The following SPTA1 variants were observed in gnomAD, a reference collection of about 807,000 sequenced individuals.
The protein encoded by SPTA1 is spectrin alpha, erythrocytic 1.
SPTA1 carries 177 observed loss-of-function variants against 324.7 expected under a neutral mutation model. The observed-to-expected ratio is 0.55, with a 90% CI of 0.48 to 0.62. The LOEUF (loss-of-function observed/expected upper bound fraction) is 0.62, where lower values mean the gene tolerates loss of function less well. Ranked by LOEUF, SPTA1 falls within the 20% of genes least tolerant of loss-of-function variation. The pLI is 0.00. For synonymous variants in SPTA1, 1,195 were observed against 1,041.3 expected (o/e 1.15, Z -2.84); for missense variants, 3,162 against 2,883.6 (o/e 1.10, Z -2.21).
chr1:158,642,954 G>A lies in SPTA1; in HGVS notation c.4465C>T (p.Leu1489=), dbSNP rs1251167624. The A allele has an allele frequency of 2.5e-6, 4 of 1,613,616 alleles. No homozygotes were observed. Among genetic ancestry groups the A allele is most frequent in the Admixed American group, 3.3e-5 (2 of 59,936 alleles). ...CCAAGCTTTGTCCGCTCATCAATCA[G>A]TTGTGCTTTGAGAGCCTTCCACCTA... ...LDRWKALKAQ[L]IDERTKLGDY... Residue 1489 remains leucine, a synonymous_variant, in exon 32 of 52, where the codon CTG becomes TTG. Coordinates refer to ENST00000643759, the MANE Select transcript of SPTA1 (RefSeq NM_003126.4).
intron 48 of SPTA1, 39 bp from the exon 49 acceptor site, chr1:158,614,345 T>C: frequency 2.1e-6 from 3 of 1,417,860 alleles, no homozygotes; most frequent in Non-Finnish European, 3.0e-6. Flanking sequence ...TCCCTGTATA[T>C]GAAACACAGG....
Position 158,648,638 on chromosome 1 carries a change from C to T in SPTA1, c.3585G>A (p.Thr1195=), listed in dbSNP as rs755030250. ...VEVFHREADD[T]KEQIEKKCQA... The stretch of plus-strand genomic sequence containing the variant: ...GGCATTTCTTCTCAATCTGCTCCTT[C>T]GTGTCATCTGCTTCTCTGGTATACA... Residue 1195 remains threonine, a synonymous_variant, in exon 26 of 52, where the codon ACG becomes ACA. Coordinates refer to ENST00000643759, the MANE Select transcript of SPTA1 (RefSeq NM_003126.4). The T allele has an allele frequency of 2.5e-5, 41 of 1,613,668 alleles. No individual in the cohort carries two copies. Among genetic ancestry groups the T allele is most frequent in the Middle Eastern group, 1.7e-4 (1 of 6,036 alleles).
intron 38 of SPTA1, among the ~76,000 whole-genome samples, chr1:158,634,953 A>G (rs568961107): frequency 7.2e-5 from 11 of 152,276 alleles, no homozygotes; most frequent in Admixed American, 2.0e-4. Context: ...TAACCAAAAA[A>G]AGGGAAATGA....
chr1:158,676,465 C>T (rs1211861802), intron 7 of SPTA1, among the ~76,000 whole-genome samples, 170 bp from the exon 8 acceptor site: 9 of 152,182 alleles, frequency 5.9e-5, no homozygotes, highest in Admixed American at 5.9e-4. Flanking sequence ...TTACAATTCA[C>T]TAAGTACTTT....
Position 158,677,788 on chromosome 1 carries a change from G to A in SPTA1, c.859C>T (p.Leu287Phe). ...TCTTTGCCATAGTCCTCAGAGGTGA[G>A]TACAGGTTCCTTCTCCTTGATCCAC... ...IQWIKEKEPVLTSEDYGKDLV... is the reference protein window; with the variant it reads ...IQWIKEKEPVFTSEDYGKDLV... Residue 287 changes from leucine to phenylalanine, a missense_variant, in exon 7 of 52, where the codon CTC becomes TTC. Leu to Phe is a conservative substitution (Grantham distance 22). Coordinates refer to ENST00000643759, the MANE Select transcript of SPTA1 (RefSeq NM_003126.4). The A allele has an allele frequency of 1.5e-5, 24 of 1,613,688 alleles. No homozygotes were observed. The highest frequency in any genetic ancestry group is 1.9e-5 in the Non-Finnish European group (23 of 1,179,762).
At chr1:158,627,123 CCGT>C in intron 40 of SPTA1, 116 bp from the exon 41 acceptor site, 3 of 1,380,828 alleles carry the variant, frequency 2.2e-6, no homozygotes, top group South Asian at 2.4e-5. Flanking sequence ...CCAAGTGTGA[CCGT>C]CTTAGTTTGT....
chr1:158,636,853 T>C, intron 36 of SPTA1, 92 bp from the exon 37 acceptor site: 1 of 1,601,544 alleles, frequency 6.2e-7, no homozygotes, highest in Non-Finnish European at 8.5e-7. Context: ...GTGTGGCTGG[T>C]GGTGAGGGAG....
intron 30 of SPTA1, among the ~76,000 whole-genome samples, 193 bp from the exon 31 acceptor site, chr1:158,643,618 T>C (rs1187177611): frequency 2.0e-5 from 3 of 152,184 alleles, no homozygotes; most frequent in African/African-American, 4.8e-5. Flanking sequence ...AATGGGCTAC[T>C]TGTGTGGTAC....
At position 158,645,313 on chromosome 1, in the gene SPTA1, C is replaced by T. The variant is rs746616673; in HGVS notation, c.4069G>A (p.Asp1357Asn). 7.4e-6 allele frequency: 12 copies of T among 1,613,860 alleles called. No homozygotes were observed. The highest frequency in any genetic ancestry group is 2.2e-5 in the East Asian group (1 of 44,896). Residue 1357 changes from aspartate to asparagine, a missense_variant, in exon 29 of 52, where the codon GAC becomes AAC. By Grantham distance (23) the Asp-to-Asn change is conservative (BLOSUM62 1). Coordinates refer to ENST00000643759, the MANE Select transcript of SPTA1 (RefSeq NM_003126.4). ...TCAGGGCTAGCATGGTGCCCACTGT[C>T]GATAAGTTCTGCACTGAAGTCCTCT... is the stretch of plus-strand genomic sequence containing the variant. ...ALEDFSAELI[D>N]SGHHASPEIE...
At chr1:158,633,222 G>C (rs1650806004) in intron 39 of SPTA1, among the ~76,000 whole-genome samples, 2 of 152,158 alleles carry the variant, frequency 1.3e-5, no homozygotes, top group Admixed American at 1.3e-4. Flanking sequence ...TTGTGATGAT[G>C]CTAGCCTTCT....
chr1:158,649,816 G>C (rs1444115109), intron 25 of SPTA1, 40 bp downstream of exon 25: 5 of 1,515,078 alleles, frequency 3.3e-6, no homozygotes, highest in Non-Finnish European at 4.6e-6. Flanking sequence ...TAGTGAGTGG[G>C]TTTTAAAGCA....
At chr1:158,666,086 G>A (rs1258299918) in intron 16 of SPTA1, among the ~76,000 whole-genome samples, 3 of 151,984 alleles carry the variant, frequency 2.0e-5, no homozygotes, top group South Asian at 4.1e-4. Flanking sequence ...TAAAAATTTC[G>A]AATTTTTACC....
At chr1:158,644,213 T>G (rs1441411860) in intron 30 of SPTA1, 40 bp downstream of exon 30, 1 of 1,610,156 alleles carries the variant, frequency 6.2e-7, no homozygotes. Flanking sequence ...TTATTATTAC[T>G]ACGGATTATT....
At position 158,648,763 on chromosome 1, in the gene SPTA1, C is replaced by A. The variant is rs1463921025; in HGVS notation, c.3570-110G>T. On this transcript the variant is annotated intron_variant, in intron 25 of 51. Transcript: ENST00000643759. ...CTACCACTCACCATCCTCCCACCCACCCCCCCACCCCAACCAATTATCATC... is the reference window on the plus strand; with the variant it reads ...CTACCACTCACCATCCTCCCACCCAACCCCCCACCCCAACCAATTATCATC... The A allele has an allele frequency of 5.4e-5, 59 of 1,084,560 alleles. 1 individual carries two copies. The highest frequency in any genetic ancestry group is 7.0e-5 in the Non-Finnish European group (53 of 758,134). The allele number at this position is 1,084,560 out of a possible 1,614,324, so 67.2% of individuals were successfully genotyped here.
At chr1:158,632,402 T>C (rs1650742119) in intron 39 of SPTA1, among the ~76,000 whole-genome samples, 2 of 152,222 alleles carry the variant, frequency 1.3e-5, no homozygotes, top group African/African-American at 2.4e-5. Flanking sequence ...TAATATGTTA[T>C]ACACGTATAA....
At position 158,669,438 on chromosome 1, in the gene SPTA1, C is replaced by T. The variant is rs1027251344; in HGVS notation, c.1803G>A (p.Lys601=). 3 of 1,614,120 alleles carry T rather than the reference C, an allele frequency of 1.9e-6. No individual in the cohort carries two copies. Among genetic ancestry groups the T allele is most frequent in the African/African-American group, 1.3e-5 (1 of 75,046 alleles). Reference sequence around the variant, plus strand: ...AATCTTCATCATCTGCCAACTTTTTCTTCTTGTTGATCCAGTTCTTTAGGT... The same window carrying T: ...AATCTTCATCATCTGCCAACTTTTTTTTCTTGTTGATCCAGTTCTTTAGGT... The part of the protein sequence containing the change: ...SDDLKNWINK[K]KKLADDEDYK... Residue 601 remains lysine, a synonymous_variant, in exon 14 of 52, where the codon AAG becomes AAA. Transcript: ENST00000643759.
intron 23 of SPTA1, 118 bp downstream of exon 23, chr1:158,652,349 C>T (rs1262596784): frequency 1.7e-6 from 2 of 1,184,866 alleles, no homozygotes; most frequent in Admixed American, 1.8e-5. Flanking sequence ...CACAGAGTTG[C>T]CAATAGCTTT....
chr1:158,673,232 A>C (rs1654153260), intron 10 of SPTA1, among the ~76,000 whole-genome samples: 2 of 147,864 alleles, frequency 1.4e-5, no homozygotes, highest in Admixed American at 6.8e-5. Flanking sequence ...ATAAAAAAAA[A>C]CTATATTATA....
At position 158,612,921 on chromosome 1, in the gene SPTA1, T is replaced by A; in HGVS notation, c.7030A>T (p.Ile2344Phe). 1 of 1,613,982 alleles carries A rather than the reference T, an allele frequency of 6.2e-7. No individual in the cohort carries two copies. The highest frequency in any genetic ancestry group is 8.5e-7 in the Non-Finnish European group (1 of 1,179,896). ...VSLEDYTAFL[I>F]DKESENIKSS... is the part of the protein sequence containing the mutation. ...TTGATGTTTTCTGACTCCTTGTCAA[T>A]CAGGAAAGCAGTATAGTCCTCCAGT... Residue 2344 changes from isoleucine (I) to phenylalanine (F), a missense_variant, in exon 51 of 52, where the codon ATT (isoleucine) becomes TTT (phenylalanine). Ile to Phe is a conservative substitution (Grantham distance 21, BLOSUM62 0). Transcript: ENST00000643759.
Sources: allele counts gnomAD v4.1 joint callset (sites outside exome capture counted in the v4.1 genomes callset), GRCh38; gene constraint gnomAD v4.1.1; transcripts MANE v1.5; gene names NCBI Gene and HGNC (gene_info 2026-07-23, HGNC 2026-07-21).